Variants in ABCC2 observed in about 807,000 individuals in gnomAD.
ABCC2 encodes the protein ATP binding cassette subfamily C member 2.
Under a neutral mutation model 173.4 loss-of-function variants are expected in ABCC2, and 157 were observed. The ratio of observed to expected loss-of-function variants is 0.91; its 90% confidence interval spans 0.80 to 1.03. ABCC2 has a LOEUF of 1.03. Among genes scored for constraint, ABCC2 ranks in the 50% least tolerant of loss-of-function variants. The pLI is 0.00. For synonymous variants in ABCC2, 657 were observed against 693.5 expected, an observed-to-expected ratio of 0.95 and a Z score of 0.83; for missense variants, 1,822 against 1,852.3, an observed-to-expected ratio of 0.98 and a Z score of 0.30.
chr10:99,814,288 C>T lies in ABCC2; in HGVS notation c.2094+1144C>T, dbSNP rs1366613780. On this transcript the variant is annotated intron_variant, in intron 16 of 31. Transcript: ENST00000647814. Reference sequence around the variant, plus strand: ...GTATGTATACACACGTATGTATACACACACGTATGTATACACACATGTATA... The same window carrying T: ...GTATGTATACACACGTATGTATACATACACGTATGTATACACACATGTATA... 1.1e-4 allele frequency among the ~76,000 whole-genome samples: 9 copies of T among 78,340 alleles called. 1 individual carries two copies. The highest frequency in any genetic ancestry group is 1.8e-4 in the Non-Finnish European group (7 of 38,476). The allele number at this position is 78,340 out of a possible 152,430, so 51.4% of individuals were successfully genotyped here. A position where few individuals can be genotyped will look rare whatever the true frequency, so the allele number is the denominator to read the frequency against.
intron 21 of ABCC2, 60 bp from the exon 22 acceptor site, chr10:99,831,551 G>A: frequency 1.3e-6 from 2 of 1,526,820 alleles, no homozygotes; most frequent in Non-Finnish European, 9.1e-7. Flanking sequence ...GGCATTCTAG[G>A]TGATTCCTTA....
intron 15 of ABCC2, 82 bp downstream of exon 15, chr10:99,811,684 T>C: frequency 2.7e-6 from 4 of 1,472,848 alleles, no homozygotes; most frequent in Middle Eastern, 1.7e-4. Context: ...TGTAATAGAA[T>C]GCATGGGGAA....
In ABCC2 at chr10:99,782,788, G is replaced by A; in HGVS notation, c.-57G>A. On this transcript the variant is annotated 5_prime_UTR_variant, in exon 1 of 32. Coordinates refer to ENST00000647814, the MANE Select transcript of ABCC2 (RefSeq NM_000392.5). ...TTTCTTTGATGAAACAAGTAAAGAA[G>A]AAACAACACAATCATATTAATAGAA... is the stretch of plus-strand genomic sequence containing the variant. 1 of 1,586,464 alleles carries A rather than the reference G, an allele frequency of 6.3e-7. No homozygotes were observed. The highest frequency in any genetic ancestry group is 8.7e-7 in the Non-Finnish European group (1 of 1,154,928).
rs1387971232 is a variant in ABCC2 at position 99,787,489 on chromosome 10, G to T, written c.207+2708G>T. ...GACGGAGTCTCGTTCTGTCGCCCAG[G>T]CAGGCTGCCAGCATAGATTCCTGCC... On this transcript the variant is annotated intron_variant, in intron 2 of 31. Coordinates refer to ENST00000647814, the MANE Select transcript of ABCC2 (RefSeq NM_000392.5). Among the ~76,000 whole-genome samples the T allele has an allele frequency of 2.6e-5, 4 of 152,154 alleles. No homozygotes were observed. The East Asian group carries it at 7.7e-4, about 29-fold the overall frequency.
intron 6 of ABCC2, 33 bp downstream of exon 6, chr10:99,794,501 C>A: frequency 6.4e-7 from 1 of 1,574,410 alleles, no homozygotes; most frequent in East Asian, 2.2e-5. Context: ...TTGGCTGTAT[C>A]CTTACTCTCT....
chr10:99,836,497 G>A (rs777666805), intron 25 of ABCC2, among the ~76,000 whole-genome samples: 2 of 152,222 alleles, frequency 1.3e-5, no homozygotes, highest in Non-Finnish European at 2.9e-5. Flanking sequence ...ACCAAGCTGG[G>A]TGAATTGCCT....
At position 99,830,379 on chromosome 10, in the gene ABCC2, C is replaced by T. The variant is rs1564694665; in HGVS notation, c.2693C>T (p.Ala898Val). The change falls in exon 20 of 32, where the codon GCA becomes GTA. Residue 898 changes from alanine to valine, a missense_variant. Transcript: ENST00000647814. ...ISSVEEIPEDAASITMRRENS... is the reference protein window; with the variant it reads ...ISSVEEIPEDVASITMRRENS... ...AGTGTGGAAGAGATCCCCGAAGATG[C>T]AGCCTCCATAACCATGAGAAGAGAG... The T allele has an allele frequency of 6.2e-7, 1 of 1,614,202 alleles. No individual in the cohort carries two copies. The highest frequency in any genetic ancestry group is 8.5e-7 in the Non-Finnish European group (1 of 1,180,026).
rs770914805 is a variant in ABCC2 at position 99,841,992 on chromosome 10, G to T, written c.3640G>T (p.Val1214Phe). The change falls in exon 26 of 32, where the codon GTT (valine) becomes TTT (phenylalanine). Residue 1214 changes from valine to phenylalanine, a missense_variant. Coordinates refer to ENST00000647814, the MANE Select transcript of ABCC2 (RefSeq NM_000392.5). ...GTGGCTTGCAATTCGCCTGGAGCTG[G>T]TTGGGAACCTGACTGTCTTCTTTTC... ...NRWLAIRLEL[V>F]GNLTVFFSAL... 3.1e-6 allele frequency: 5 copies of T among 1,614,206 alleles called. No individual in the cohort carries two copies. In the South Asian group the frequency reaches 4.4e-5, roughly 14 times the overall value.
chr10:99,821,657 G>C (rs1234718876), intron 19 of ABCC2, among the ~76,000 whole-genome samples: 2 of 152,202 alleles, frequency 1.3e-5, no homozygotes, highest in Non-Finnish European at 2.9e-5. Context: ...ACATGTTTCA[G>C]AGAGCACGGG....
In ABCC2 at chr10:99,818,876, CCCCCTGT is replaced by C; in HGVS notation, c.2360_2366del (p.Pro787LeufsTer7). On this transcript the variant is annotated frameshift_variant, in exon 18 of 32. Transcript: ENST00000647814. LOFTEE classifies it high-confidence loss of function. Reference sequence around the variant, plus strand: ...ATTTAGACATCTATCTTCTAGATGACCCCCTGTCTGCAGTGGATGCTCATGTAGGAAA... The same window carrying C: ...ATTTAGACATCTATCTTCTAGATGACCTGCAGTGGATGCTCATGTAGGAAA... The C allele has an allele frequency of 1.2e-6, 2 of 1,614,168 alleles. No individual in the cohort carries two copies. Among genetic ancestry groups the C allele is most frequent in the Non-Finnish European group, 1.7e-6 (2 of 1,180,004 alleles).
chr10:99,800,353 A>G (rs762041726), intron 8 of ABCC2, 33 bp from the exon 9 acceptor site: 1 of 1,613,450 alleles, frequency 6.2e-7, no homozygotes, highest in South Asian at 1.1e-5. Flanking sequence ...TGGAGGCCTT[A>G]TGGGTATAAC....
At chr10:99,830,092 T>A (rs2038711992) in intron 19 of ABCC2, among the ~76,000 whole-genome samples, 1 of 152,242 alleles carries the variant, frequency 6.6e-6, no homozygotes, top group Admixed American at 6.5e-5. Flanking sequence ...CAGTGGAATA[T>A]TAATTCATCT....
At chr10:99,828,903 C>G (rs1393284309) in intron 19 of ABCC2, among the ~76,000 whole-genome samples, 1 of 151,640 alleles carries the variant, frequency 6.6e-6, no homozygotes, top group Non-Finnish European at 1.5e-5. Flanking sequence ...TTCCATCTTT[C>G]CTGGACATGT....
At chr10:99,845,983 G>C (rs1448224750) in intron 29 of ABCC2, among the ~76,000 whole-genome samples, 1 of 152,212 alleles carries the variant, frequency 6.6e-6, no homozygotes, top group African/African-American at 2.4e-5. Flanking sequence ...GTGGCTGCCT[G>C]TATCTGACCA....
intron 7 of ABCC2, 189 bp downstream of exon 7, chr10:99,797,520 T>A (rs2037940260): frequency 3.3e-6 from 2 of 601,922 alleles, no homozygotes; most frequent in Non-Finnish European, 5.9e-6. Context: ...TGTACTGTTC[T>A]CTTTCCTTTG....
chr10:99,813,006 C>T lies in ABCC2; in HGVS notation c.1968-12C>T, dbSNP rs2038243125. On this transcript the variant is annotated splice_polypyrimidine_tract_variant and intron_variant, in intron 15 of 31. Coordinates refer to ENST00000647814, the MANE Select transcript of ABCC2 (RefSeq NM_000392.5). ...CCCTGCTATCTCCTTCAAAGACATT[C>T]CTGTCTTTCAGTGTGAACCTGGACA... 1 of 1,613,480 alleles carries T rather than the reference C, an allele frequency of 6.2e-7. No homozygotes were observed.
intron 9 of ABCC2, 110 bp from the exon 10 acceptor site, chr10:99,803,909 T>A (rs2038052211): frequency 7.1e-7 from 1 of 1,412,300 alleles, no homozygotes. Flanking sequence ...AGAAGCTGTG[T>A]CCATATGGAG....
chr10:99,814,935 C>G (rs1281035659), intron 16 of ABCC2, among the ~76,000 whole-genome samples: 3 of 151,538 alleles, frequency 2.0e-5, no homozygotes, highest in Non-Finnish European at 4.4e-5. Flanking sequence ...TCCCAAATAG[C>G]TGGGATTACA....
At chr10:99,800,681 C>G (rs2090144609) in intron 9 of ABCC2, 118 bp downstream of exon 9, 1 of 1,154,652 alleles carries the variant, frequency 8.7e-7, no homozygotes, top group Admixed American at 1.8e-5. Flanking sequence ...TTAATGTTGA[C>G]TGGCCATACA....
Sources: allele counts gnomAD v4.1 joint callset (sites outside exome capture counted in the v4.1 genomes callset), GRCh38; gene constraint gnomAD v4.1.1; transcripts MANE v1.5; gene names NCBI Gene and HGNC (gene_info 2026-07-23, HGNC 2026-07-21).